Variants in UNC13C observed in about 807,000 individuals in gnomAD.
UNC13C encodes the protein unc-13 homolog C.
A neutral mutation model predicts 245.4 loss-of-function variants in UNC13C; 174 were observed. The observed-to-expected ratio is 0.71, with a 90% confidence interval of 0.63 to 0.80. The LOEUF is 0.80. Among genes scored for constraint, UNC13C ranks in the 30% least tolerant of loss-of-function variants. The pLI is 0.00. For missense variants in UNC13C, 2,829 were observed against 2,602.9 expected (o/e 1.09, Z -1.89); for synonymous variants, 992 against 895.1 (o/e 1.11, Z -1.93).
At chr15:54,475,281 TTTATTATTA>T (rs60034401) in intron 19 of UNC13C, among the ~76,000 whole-genome samples, 1,955 of 104,922 alleles carry the variant, frequency 0.019, 32 homozygotes, top group African/African-American at 0.053. Context: ...TGGTTTTTTG[TTTATTATTA>T]TTATTATTAT....
At chr15:54,589,721 A>C (rs1342242474) in intron 30 of UNC13C, among the ~76,000 whole-genome samples, 1 of 152,034 alleles carries the variant, frequency 6.6e-6, no homozygotes, top group African/African-American at 2.4e-5. Context: ...CTTTGTCAGA[A>C]GTATAGATTG....
chr15:53,942,574 A>AG, the UNC13C span, among the ~76,000 whole-genome samples: 1 of 152,166 alleles, frequency 6.6e-6, no homozygotes, highest in Non-Finnish European at 1.5e-5. Context: ...TTGAAAAAAA[A>AG]AAAAAGAATT....
chr15:54,288,310 C>T (rs190731699), intron 10 of UNC13C, among the ~76,000 whole-genome samples: 25 of 152,062 alleles, frequency 1.6e-4, no homozygotes, highest in African/African-American at 5.5e-4. Context: ...ATGGGTAAAC[C>T]TTCTTTGCTC....
intron 2 of UNC13C, among the ~76,000 whole-genome samples, chr15:54,025,109 G>T (rs1896055109): frequency 6.6e-6 from 1 of 151,986 alleles, no homozygotes; most frequent in African/African-American, 2.4e-5. Flanking sequence ...ATGCCAAAAG[G>T]TCCCAAGATA....
chr15:53,900,469 T>C, the UNC13C span, among the ~76,000 whole-genome samples: 4 of 152,214 alleles, frequency 2.6e-5, no homozygotes, highest in African/African-American at 9.6e-5. Flanking sequence ...GAAATGTTTA[T>C]TTACTGTAAA....
At chr15:54,029,713 T>G (rs1896274576) in intron 2 of UNC13C, among the ~76,000 whole-genome samples, 1 of 152,190 alleles carries the variant, frequency 6.6e-6, no homozygotes, top group Non-Finnish European at 1.5e-5. Context: ...GGTGAGCACT[T>G]TGCATGCATT....
At chr15:54,461,730 G>A (rs780424592) in intron 19 of UNC13C, among the ~76,000 whole-genome samples, 2 of 152,172 alleles carry the variant, frequency 1.3e-5, no homozygotes, top group South Asian at 4.1e-4. Context: ...ATAATAGTAT[G>A]AGTAGGTCAG....
chr15:54,200,888 T>C (rs1014368613), intron 4 of UNC13C, among the ~76,000 whole-genome samples: 9 of 152,072 alleles, frequency 5.9e-5, no homozygotes, highest in Admixed American at 4.6e-4. Context: ...ACAAAAAGTT[T>C]GTTCTTTGAA....
At chr15:54,054,674 A>G (rs72739086) in intron 2 of UNC13C, among the ~76,000 whole-genome samples, 2,440 of 152,240 alleles carry the variant, frequency 0.016, 35 homozygotes, top group Middle Eastern at 0.034. Context: ...ATAATGTACT[A>G]TGTTGACTAT....
In UNC13C at chr15:54,181,489, G is replaced by T. The variant is rs28813677; in HGVS notation, c.3071+37805G>T. On this transcript the variant is annotated intron_variant, in intron 4 of 32. Transcript: ENST00000260323. ...TTTTGTTTTGTTTTGTTTTTTGTTTGTTTTTGTTTTTTCTTCTTAGGCTTG... is the reference window on the plus strand; with the variant it reads ...TTTTGTTTTGTTTTGTTTTTTGTTTTTTTTTGTTTTTTCTTCTTAGGCTTG... Among the ~76,000 whole-genome samples, 503 of 122,880 alleles carry T rather than the reference G, an allele frequency of 4.1e-3. 5 individuals carry two copies. Among genetic ancestry groups the T allele is most frequent in the African/African-American group, 0.019 (487 of 25,008 alleles). 80.6% of individuals were successfully genotyped at this position (122,880 alleles called of 152,430 possible).
At chr15:53,968,649 A>G in the UNC13C span, among the ~76,000 whole-genome samples, 1 of 152,032 alleles carries the variant, frequency 6.6e-6, no homozygotes, top group African/African-American at 2.4e-5. Flanking sequence ...CTGCGTTTGG[A>G]TCTCTCCATG....
In UNC13C at chr15:54,478,537, C is replaced by T. The variant is rs1055294678; in HGVS notation, c.4934-16071C>T. On this transcript the variant is annotated intron_variant, in intron 19 of 32. Coordinates refer to ENST00000260323, the MANE Select transcript of UNC13C (RefSeq NM_001080534.3). The stretch of plus-strand genomic sequence containing the variant: ...CTTTGTTCTCATTGGTTTCAAAGAA[C>T]ATCTTTATTTCTGCCTTCATTTCAT... 4.6e-5 allele frequency among the ~76,000 whole-genome samples: 7 copies of T among 151,510 alleles called. 1 individual carries two copies. The highest frequency in any genetic ancestry group is 2.0e-4 in the East Asian group (1 of 5,128).
intron 14 of UNC13C, 102 bp downstream of exon 14, chr15:54,322,197 G>T: frequency 8.6e-7 from 1 of 1,169,236 alleles, no homozygotes; most frequent in Non-Finnish European, 1.2e-6. Context: ...ATTGCAGAAA[G>T]GACATTTTAG....
At chr15:54,229,501 T>A (rs545351686) in intron 4 of UNC13C, among the ~76,000 whole-genome samples, 1 of 152,310 alleles carries the variant, frequency 6.6e-6, no homozygotes, top group African/African-American at 2.4e-5. Flanking sequence ...TTATTATTTT[T>A]AAATGATTGG....
At chr15:54,447,613 G>C (rs536056251) in intron 19 of UNC13C, among the ~76,000 whole-genome samples, 2 of 152,084 alleles carry the variant, frequency 1.3e-5, no homozygotes, top group Non-Finnish European at 2.9e-5. Flanking sequence ...GGGATCGATG[G>C]TGATATCCCC....
chr15:54,488,854 T>TG (rs1893556630), intron 19 of UNC13C, among the ~76,000 whole-genome samples: 1 of 152,192 alleles, frequency 6.6e-6, no homozygotes, highest in East Asian at 1.9e-4. Flanking sequence ...GTAAATGTAA[T>TG]GAGCTAGTTA....
At chr15:54,414,510 G>A (rs921049896) in intron 18 of UNC13C, among the ~76,000 whole-genome samples, 3 of 152,146 alleles carry the variant, frequency 2.0e-5, no homozygotes, top group Non-Finnish European at 4.4e-5. Flanking sequence ...AGCCGGGCAT[G>A]GTGGCACACG....
intron 19 of UNC13C, among the ~76,000 whole-genome samples, chr15:54,446,271 T>G (rs1299218911): frequency 6.6e-6 from 1 of 152,228 alleles, no homozygotes; most frequent in Non-Finnish European, 1.5e-5. Context: ...GACTTGGCAA[T>G]GCAGTCTCTT....
intron 17 of UNC13C, among the ~76,000 whole-genome samples, chr15:54,376,571 C>T (rs1315528010): frequency 6.6e-6 from 1 of 152,066 alleles, no homozygotes; most frequent in Non-Finnish European, 1.5e-5. Context: ...AGTAGTCTTC[C>T]TGTCATAGTT....
Sources: gnomAD v4.1 joint callset for allele counts (sites outside exome capture counted in the v4.1 genomes callset) on GRCh38, gnomAD v4.1.1 for gene constraint, MANE v1.5 for transcripts, NCBI Gene and HGNC (gene_info 2026-07-23, HGNC 2026-07-21) for gene names.